Variants in EHBP1 observed in about 807,000 individuals in gnomAD.
EHBP1 encodes EH domain-binding protein 1.
EHBP1 carries 55 observed loss-of-function variants against 144.0 expected under a neutral mutation model. That is an observed-to-expected ratio of 0.38 (90% CI 0.31 to 0.48). The LOEUF (loss-of-function observed/expected upper bound fraction) is 0.48, where lower values mean the gene tolerates loss of function less well. Among genes scored for constraint, EHBP1 ranks in the 20% least tolerant of loss-of-function variants. The probability of loss-of-function intolerance (pLI) is 0.98; values close to 1 mark genes in which losing one functional copy is unlikely to be tolerated. For synonymous variants in EHBP1, 469 were observed against 472.7 expected, an observed-to-expected ratio of 0.99 and a Z score of 0.10; for missense variants, 1,200 against 1,364.2, an observed-to-expected ratio of 0.88 and a Z score of 1.90.
intron 5 of EHBP1, among the ~76,000 whole-genome samples, chr2:62,814,662 C>T (rs1032395962): frequency 6.6e-6 from 1 of 152,210 alleles, no homozygotes; most frequent in Non-Finnish European, 1.5e-5. Flanking sequence ...GATTTATTAT[C>T]AGGTACTTAC....
chr2:63,042,138 C>A (rs1055953726), intron 21 of EHBP1, among the ~76,000 whole-genome samples: 3 of 152,118 alleles, frequency 2.0e-5, no homozygotes, highest in African/African-American at 7.2e-5. Context: ...ACACTGGAAT[C>A]TTTAAATTAA....
At chr2:62,860,346 CTGAG>C (rs1355467643) in intron 8 of EHBP1, among the ~76,000 whole-genome samples, 2 of 152,100 alleles carry the variant, frequency 1.3e-5, no homozygotes, top group Admixed American at 1.3e-4. Flanking sequence ...AAAAAGTTAG[CTGAG>C]CATGGTGGTG....
chr2:62,810,730 A>T (rs931152203), intron 5 of EHBP1, among the ~76,000 whole-genome samples: 10 of 152,222 alleles, frequency 6.6e-5, no homozygotes, highest in African/African-American at 2.4e-4. Flanking sequence ...GGTCTTATTT[A>T]AACTAACAGA....
intron 7 of EHBP1, among the ~76,000 whole-genome samples, chr2:62,852,202 G>A (rs1221602237): frequency 2.0e-5 from 3 of 151,934 alleles, no homozygotes; most frequent in Admixed American, 1.3e-4. Context: ...TAATTAAAAC[G>A]TCTTAGCTAT....
At chr2:62,788,188 G>C (rs1341508142) in intron 5 of EHBP1, among the ~76,000 whole-genome samples, 2 of 152,002 alleles carry the variant, frequency 1.3e-5, no homozygotes, top group African/African-American at 4.8e-5. Context: ...TTCTAACATT[G>C]CTTAAAAATA....
At chr2:62,861,748 G>GAA (rs879805138) in intron 8 of EHBP1, among the ~76,000 whole-genome samples, 2 of 134,898 alleles carry the variant, frequency 1.5e-5, no homozygotes, top group African/African-American at 2.7e-5. Context: ...TCCAGCTCAG[G>GAA]AAAAAAAAAA....
intron 19 of EHBP1, among the ~76,000 whole-genome samples, chr2:62,997,871 AC>A (rs1459545715): frequency 6.6e-6 from 1 of 152,030 alleles, no homozygotes; most frequent in Non-Finnish European, 1.5e-5. Context: ...CTTCAGAGGC[AC>A]CTCAGGGGCT....
intron 2 of EHBP1, among the ~76,000 whole-genome samples, chr2:62,723,256 A>T (rs2036410041): frequency 6.6e-6 from 1 of 151,848 alleles, no homozygotes; most frequent in African/African-American, 2.4e-5. Flanking sequence ...GTCTTTTTTA[A>T]TCTTTGTGAT....
At chr2:62,837,812 C>G (rs2047414296) in intron 7 of EHBP1, among the ~76,000 whole-genome samples, 1 of 151,976 alleles carries the variant, frequency 6.6e-6, no homozygotes, top group Non-Finnish European at 1.5e-5. Flanking sequence ...TATATGCACC[C>G]AATACGGGAG....
chr2:62,801,756 G>A (rs1367612062), intron 5 of EHBP1, among the ~76,000 whole-genome samples: 1 of 152,118 alleles, frequency 6.6e-6, no homozygotes, highest in Non-Finnish European at 1.5e-5. Context: ...AATTTCACAA[G>A]CAAGTTGGTT....
chr2:62,898,317 T>A (rs572446779), intron 10 of EHBP1, among the ~76,000 whole-genome samples: 2 of 152,344 alleles, frequency 1.3e-5, no homozygotes, highest in African/African-American at 4.8e-5. Flanking sequence ...GGCACAGTTA[T>A]TGTTTTCTTT....
chr2:62,692,856 G>A (rs1462170133), intron 1 of EHBP1, among the ~76,000 whole-genome samples: 2 of 151,718 alleles, frequency 1.3e-5, no homozygotes, highest in Non-Finnish European at 2.9e-5. Context: ...TTTATCCTTT[G>A]TGTCACAAAC....
chr2:62,791,566 A>G (rs894717366), intron 5 of EHBP1, among the ~76,000 whole-genome samples: 3 of 152,026 alleles, frequency 2.0e-5, no homozygotes, highest in Non-Finnish European at 4.4e-5. Context: ...GATGGTTATT[A>G]TAAAGTTTTA....
intron 13 of EHBP1, among the ~76,000 whole-genome samples, chr2:62,950,739 G>A (rs2057329501): frequency 6.6e-6 from 1 of 151,902 alleles, no homozygotes; most frequent in African/African-American, 2.4e-5. Context: ...AGGCTGGAGT[G>A]CAATGGTGCC....
At chr2:62,783,683 T>C (rs924985671) in intron 5 of EHBP1, among the ~76,000 whole-genome samples, 1 of 152,246 alleles carries the variant, frequency 6.6e-6, no homozygotes, top group Non-Finnish European at 1.5e-5. Context: ...GTCCCAAGGC[T>C]GCACACAGCA....
chr2:63,040,229 T>G (rs2061602535), intron 21 of EHBP1, among the ~76,000 whole-genome samples: 1 of 151,420 alleles, frequency 6.6e-6, no homozygotes, highest in Non-Finnish European at 1.5e-5. Flanking sequence ...TATTTATAGA[T>G]TCATTGTACA....
At position 62,975,933 on chromosome 2, in the gene EHBP1, CACAT is replaced by C. The variant is rs1370292966; in HGVS notation, c.2461-3253_2461-3250del. ...ACACACACACACACACACACACACA[CACAT>C]ATATAGTAGAGCTTTCTGTTATTGA... On this transcript the variant is annotated intron_variant, in intron 14 of 22. Transcript: ENST00000431489. Among the ~76,000 whole-genome samples the C allele has an allele frequency of 4.0e-3, 579 of 143,422 alleles. 2 individuals carry two copies. Among genetic ancestry groups the C allele is most frequent in the South Asian group, 0.013 (59 of 4,472 alleles). The allele number at this position is 143,422 out of a possible 152,430, so 94.1% of individuals were successfully genotyped here. A position where few individuals can be genotyped will look rare whatever the true frequency, so the allele number is the denominator to read the frequency against.
chr2:63,035,811 C>T (rs1574568412), intron 19 of EHBP1, among the ~76,000 whole-genome samples: 1 of 152,098 alleles, frequency 6.6e-6, no homozygotes, highest in East Asian at 1.9e-4. Context: ...TTTCTTTTTA[C>T]TCTTTCTTCT....
At chr2:62,783,381 T>C (rs1432972021) in intron 5 of EHBP1, among the ~76,000 whole-genome samples, 4 of 152,228 alleles carry the variant, frequency 2.6e-5, no homozygotes, top group Non-Finnish European at 5.9e-5. Context: ...GTGGGGACTC[T>C]GTGTAGGGGC....
Sources: allele counts gnomAD v4.1 joint callset (sites outside exome capture counted in the v4.1 genomes callset), GRCh38; gene constraint gnomAD v4.1.1; transcripts MANE v1.5; gene names NCBI Gene and HGNC (gene_info 2026-07-23, HGNC 2026-07-21).